Variants in PCDH15 observed in about 807,000 individuals in gnomAD.
PCDH15 encodes the protein protocadherin related 15, also known as protocadherin-15.
PCDH15 carries 129 observed loss-of-function variants against 178.5 expected under a neutral mutation model. The ratio of observed to expected loss-of-function variants is 0.72; its 90% CI spans 0.63 to 0.84. The LOEUF (loss-of-function observed/expected upper bound fraction) is 0.84, where lower values mean the gene tolerates loss of function less well. Among genes scored for constraint, PCDH15 ranks in the 40% least tolerant of loss-of-function variants. The probability of loss-of-function intolerance (pLI) is 0.00; values close to 1 mark genes in which losing one functional copy is unlikely to be tolerated. For missense variants in PCDH15, 2,230 were observed against 2,099.9 expected (o/e 1.06, Z -1.21); for synonymous variants, 800 against 732.0 (o/e 1.09, Z -1.50).
chr10:54,491,080 G>T (rs2079545214), intron 3 of PCDH15, among the ~76,000 whole-genome samples: 1 of 152,142 alleles, frequency 6.6e-6, no homozygotes, highest in African/African-American at 2.4e-5. Context: ...GCAGCTATCA[G>T]CATTCAGTCT....
chr10:55,338,559 G>A (rs1353237294), intron 2 of PCDH15, among the ~76,000 whole-genome samples: 1 of 152,174 alleles, frequency 6.6e-6, no homozygotes, highest in Non-Finnish European at 1.5e-5. Flanking sequence ...CTTGAGGTCA[G>A]GAGTTCAAGA....
intron 28 of PCDH15, among the ~76,000 whole-genome samples, chr10:53,853,133 TA>T (rs1055996331): frequency 2.6e-5 from 4 of 151,450 alleles, no homozygotes; most frequent in African/African-American, 4.8e-5. Context: ...ACATAGGTTT[TA>T]AAAAAAATCT....
At chr10:53,976,099 G>C (rs1208250072) in intron 21 of PCDH15, among the ~76,000 whole-genome samples, 1 of 152,062 alleles carries the variant, frequency 6.6e-6, no homozygotes, top group African/African-American at 2.4e-5. Context: ...TTATTTCTGA[G>C]AACTCTATTC....
intron 2 of PCDH15, among the ~76,000 whole-genome samples, chr10:54,573,248 GT>G (rs1241744683): frequency 6.6e-6 from 1 of 152,018 alleles, no homozygotes; most frequent in Non-Finnish European, 1.5e-5. Context: ...CATAGCATTA[GT>G]TTAGTAAAAA....
Position 54,023,161 on chromosome 10 carries a change from G to A in PCDH15, c.2257C>T (p.His753Tyr). ...TTATTAAAGTTACCCAAACTGTAGTGCACTTGACCATTTATTCCAGCATCA... is the reference window on the plus strand; with the variant it reads ...TTATTAAAGTTACCCAAACTGTAGTACACTTGACCATTTATTCCAGCATCA... ...DPDAGINGQV[H>Y]YSLGNFNNLF... Residue 753 changes from histidine to tyrosine, a missense_variant, in exon 19 of 38, where the codon CAC becomes TAC. Physicochemically the swap from His to Tyr is moderately conservative, Grantham distance 83. Coordinates refer to ENST00000644397, the MANE Select transcript of PCDH15 (RefSeq NM_001384140.1). 1 of 1,613,708 alleles carries A rather than the reference G, an allele frequency of 6.2e-7. No individual in the cohort carries two copies. Among genetic ancestry groups the A allele is most frequent in the Non-Finnish European group, 8.5e-7 (1 of 1,179,874 alleles).
chr10:54,712,685 C>A (rs1256805564), intron 1 of PCDH15, among the ~76,000 whole-genome samples: 1 of 151,918 alleles, frequency 6.6e-6, no homozygotes, highest in Admixed American at 6.6e-5. Flanking sequence ...CGGAAAATAA[C>A]ATTCTAAACT....
At chr10:55,007,324 A>G (rs190269395) in intron 2 of PCDH15, among the ~76,000 whole-genome samples, 9 of 152,152 alleles carry the variant, frequency 5.9e-5, no homozygotes, top group African/African-American at 1.7e-4. Flanking sequence ...TACCAACAGC[A>G]TTATTTGCTA....
chr10:55,344,706 G>C (rs1001682758), intron 2 of PCDH15, among the ~76,000 whole-genome samples: 1 of 151,988 alleles, frequency 6.6e-6, no homozygotes, highest in Non-Finnish European at 1.5e-5. Flanking sequence ...ACCAGAGATG[G>C]CTAATAGGCA....
chr10:54,591,199 C>A (rs1035273197), intron 2 of PCDH15, among the ~76,000 whole-genome samples: 3 of 152,086 alleles, frequency 2.0e-5, no homozygotes, highest in African/African-American at 4.8e-5. Flanking sequence ...GAATATGTTA[C>A]CTTACCTGGT....
intron 3 of PCDH15, among the ~76,000 whole-genome samples, chr10:54,430,646 C>A (rs1956856443): frequency 6.6e-6 from 1 of 151,502 alleles, no homozygotes. Context: ...CAATAAGTGC[C>A]TACATCAAAA....
At chr10:54,075,272 G>A (rs2135909067) in intron 17 of PCDH15, among the ~76,000 whole-genome samples, 1 of 152,164 alleles carries the variant, frequency 6.6e-6, no homozygotes, top group South Asian at 2.1e-4. Flanking sequence ...AGTTACTCGG[G>A]AGGCTGAGGC....
intron 2 of PCDH15, among the ~76,000 whole-genome samples, chr10:54,571,706 T>C (rs2133588491): frequency 6.6e-6 from 1 of 152,286 alleles, no homozygotes; most frequent in East Asian, 1.9e-4. Flanking sequence ...CATGGGAGTA[T>C]ACATGGTGCC....
intron 2 of PCDH15, among the ~76,000 whole-genome samples, chr10:55,555,404 C>T (rs924620274): frequency 1.3e-5 from 2 of 152,072 alleles, no homozygotes; most frequent in Non-Finnish European, 2.9e-5. Flanking sequence ...GTTTTATTTT[C>T]TCTCAAAGTT....
chr10:55,562,370 T>C (rs1282569724), intron 2 of PCDH15, among the ~76,000 whole-genome samples: 2 of 151,984 alleles, frequency 1.3e-5, no homozygotes, highest in East Asian at 1.9e-4. Context: ...GTATTTGATA[T>C]AAAAACTTGT....
chr10:55,056,188 C>T (rs1196667316), intron 2 of PCDH15, among the ~76,000 whole-genome samples: 1 of 152,108 alleles, frequency 6.6e-6, no homozygotes, highest in Non-Finnish European at 1.5e-5. Flanking sequence ...ATTAACTTTC[C>T]ACTGTAATCA....
intron 8 of PCDH15, among the ~76,000 whole-genome samples, chr10:54,282,571 G>T (rs1212697225): frequency 6.6e-6 from 1 of 151,940 alleles, no homozygotes; most frequent in East Asian, 1.9e-4. Flanking sequence ...ATCAAGTAAA[G>T]CTCAAACAAA....
intron 2 of PCDH15, among the ~76,000 whole-genome samples, chr10:54,998,669 A>G (rs1185119153): frequency 2.6e-5 from 4 of 152,260 alleles, no homozygotes; most frequent in Admixed American, 6.5e-5. Context: ...TCTTTTTTTA[A>G]TATTGTTAAG....
At chr10:53,956,935 C>A (rs963733545) in intron 23 of PCDH15, among the ~76,000 whole-genome samples, 1 of 152,174 alleles carries the variant, frequency 6.6e-6, no homozygotes, top group African/African-American at 2.4e-5. Context: ...TTGAACAACA[C>A]ATTCGCATTT....
chr10:55,187,341 C>A (rs2132141491), intron 1 of PCDH15, among the ~76,000 whole-genome samples: 1 of 152,038 alleles, frequency 6.6e-6, no homozygotes, highest in African/African-American at 2.4e-5. Flanking sequence ...AAATAGACAA[C>A]TGAAAGTGTT....
Sources: allele counts gnomAD v4.1 joint callset (sites outside exome capture counted in the v4.1 genomes callset), GRCh38; gene constraint gnomAD v4.1.1; transcripts MANE v1.5; gene names NCBI Gene and HGNC (gene_info 2026-07-23, HGNC 2026-07-21).